Variants in NRROS observed in about 807,000 individuals in gnomAD.
The protein encoded by NRROS is negative regulator of reactive oxygen species.
In NRROS, 6 loss-of-function variants were observed where a neutral mutation model predicts 12.0. The ratio of observed to expected loss-of-function variants is 0.50; its 90% CI spans 0.27 to 0.98. The LOEUF (loss-of-function observed/expected upper bound fraction) is 0.98. Ranked by LOEUF, NRROS falls within the 50% of genes least tolerant of loss-of-function variation. The probability of loss-of-function intolerance (pLI) is 0.11; values close to 1 mark genes in which losing one functional copy is unlikely to be tolerated. For missense variants in NRROS, 857 were observed against 888.2 expected, an observed-to-expected ratio of 0.96 and a Z score of 0.45; for synonymous variants, 462 against 410.2, an observed-to-expected ratio of 1.13 and a Z score of -1.53.
intron 1 of NRROS, among the ~76,000 whole-genome samples, chr3:196,651,972 A>G (rs1188593724): frequency 6.6e-6 from 1 of 152,120 alleles, no homozygotes; most frequent in Non-Finnish European, 1.5e-5. Context: ...GTGACAGGTG[A>G]CAGCAGTTTG....
chr3:196,647,941 A>G (rs1192449983), intron 1 of NRROS, among the ~76,000 whole-genome samples: 1 of 152,160 alleles, frequency 6.6e-6, no homozygotes, highest in Non-Finnish European at 1.5e-5. Flanking sequence ...ATCTCAGGTG[A>G]TCCACCCACC....
At position 196,659,927 on chromosome 3, in the gene NRROS, G is replaced by A. The variant is rs1172132693; in HGVS notation, c.284G>A (p.Arg95His). 1.1e-5 allele frequency: 18 copies of A among 1,613,962 alleles called. No homozygotes were observed. Among genetic ancestry groups the A allele is most frequent in the Non-Finnish European group, 1.5e-5 (18 of 1,180,004 alleles). Residue 95 changes from arginine (R) to histidine (H), a missense_variant, in exon 3 of 3, where the codon CGC becomes CAC. By Grantham distance (29) the Arg-to-His change is conservative (BLOSUM62 0). Transcript: ENST00000328557. ...AGCCTGCACAGCTGCCACCTGGAGC[G>A]CATCAGCCGCGGCGCCTTCCAGGAG... ...SLSLHSCHLERISRGAFQEQG... is the reference protein window; with the variant it reads ...SLSLHSCHLEHISRGAFQEQG...
rs1289327225 is a variant in NRROS at position 196,659,767 on chromosome 3, G to C, written c.124G>C (p.Asp42His). ...GVCKLVGGAA[D>H]CRGQSLASVP... ...TTGGCCGCAGGTGGGTGGAGCCGCTGACTGCCGAGGGCAGAGCCTCGCTTC... is the reference window on the plus strand; with the variant it reads ...TTGGCCGCAGGTGGGTGGAGCCGCTCACTGCCGAGGGCAGAGCCTCGCTTC... The change falls in exon 3 of 3, where the codon GAC becomes CAC. Residue 42 changes from aspartate to histidine, a missense_variant. Coordinates refer to ENST00000328557, the MANE Select transcript of NRROS (RefSeq NM_198565.3). 6.2e-7 allele frequency: 1 copy of C among 1,609,408 alleles called. No homozygotes were observed. Among genetic ancestry groups the C allele is most frequent in the Non-Finnish European group, 8.5e-7 (1 of 1,177,172 alleles).
chr3:196,645,869 G>T (rs1737298314), intron 1 of NRROS, among the ~76,000 whole-genome samples: 1 of 152,152 alleles, frequency 6.6e-6, no homozygotes, highest in Non-Finnish European at 1.5e-5. Flanking sequence ...TGGGAGAAGG[G>T]ACGAAAGCTC....
At chr3:196,657,630 C>T (rs4912585) in intron 2 of NRROS, among the ~76,000 whole-genome samples, 70,025 of 150,626 alleles carry the variant, frequency 0.46, 16,551 homozygotes, top group Admixed American at 0.55. Context: ...TCGCTTGAAC[C>T]CGGCAGGCAG....
rs762763774 is a variant in NRROS at position 196,660,321 on chromosome 3, G to T, written c.678G>T (p.Thr226=). ...NLPCIVDFGL[T]RLRVLNVSYN... is the part of the protein sequence containing the mutation. ...CCTGCATCGTGGACTTCGGGCTCAC[G>T]CGGCTGCGGGTCCTCAACGTCAGCT... Residue 226 remains threonine, a synonymous_variant, in exon 3 of 3, where the codon ACG becomes ACT. Coordinates refer to ENST00000328557, the MANE Select transcript of NRROS (RefSeq NM_198565.3). The surrounding 1 kb of genome is among the most constrained non-coding windows in gnomAD (Gnocchi z 7.7). 2 of 1,613,962 alleles carry T rather than the reference G, an allele frequency of 1.2e-6. No individual in the cohort carries two copies. The highest frequency in any genetic ancestry group is 1.7e-5 in the Admixed American group (1 of 60,014).
In NRROS at chr3:196,639,712, C is replaced by T. The variant is rs1321045433; in HGVS notation, c.-177C>T. 2 of 152,578 alleles carry T rather than the reference C, an allele frequency of 1.3e-5. No homozygotes were observed. The highest frequency in any genetic ancestry group is 2.9e-5 in the Non-Finnish European group (2 of 68,182). 9.5% of individuals were successfully genotyped at this position (152,578 alleles called of 1,614,324 possible). On this transcript the variant is annotated 5_prime_UTR_variant, in exon 1 of 3. Coordinates refer to ENST00000328557, the MANE Select transcript of NRROS (RefSeq NM_198565.3). ...CTGTGCTGAGTCGCCGAGCAGCCCG[C>T]TCTCCATGTGACTTCAGTTTCCGTC...
rs1343731535 is a variant in NRROS at position 196,660,535 on chromosome 3, GA to G, written c.893del (p.Glu298GlyfsTer13). On this transcript the variant is annotated frameshift_variant, in exon 3 of 3. Coordinates refer to ENST00000328557, the MANE Select transcript of NRROS (RefSeq NM_198565.3). LOFTEE classifies it low-confidence loss of function (END_TRUNC). The surrounding 1 kb of genome is among the most constrained non-coding windows in gnomAD (Gnocchi z 7.7). ...RDLYNTSSPR[E>X]MVAQFLLVDG... The stretch of plus-strand genomic sequence containing the variant: ...CCTGTACAACACCTCGTCGCCGAGG[GA>G]GATGGTGGCCCAGTTCCTCCTCGTG... 6.2e-7 allele frequency: 1 copy of G among 1,613,990 alleles called. No individual in the cohort carries two copies. The highest frequency in any genetic ancestry group is 8.5e-7 in the Non-Finnish European group (1 of 1,180,046).
chr3:196,651,869 G>A (rs991343385), intron 1 of NRROS, among the ~76,000 whole-genome samples: 22 of 152,354 alleles, frequency 1.4e-4, no homozygotes, highest in Non-Finnish European at 2.8e-4. Context: ...CCAAGGCAGA[G>A]AGGAAGGGAG....
In NRROS at chr3:196,644,393, C is replaced by T. The variant is rs574698733; in HGVS notation, c.-14+4518C>T. Among the ~76,000 whole-genome samples, 9 of 141,972 alleles carry T rather than the reference C, an allele frequency of 6.3e-5. No homozygotes were observed. In the South Asian group the frequency reaches 1.6e-3, roughly 25 times the overall value. 93.1% of individuals were successfully genotyped at this position (141,972 alleles called of 152,430 possible). On this transcript the variant is annotated intron_variant, in intron 1 of 2. Transcript: ENST00000328557. ...TAGCCTGGGTAACAGAGTGAGACCC[C>T]GTCTCAAAAAAAAAAAAAAAAGTTA...
At chr3:196,648,711 A>G (rs11710998) in intron 1 of NRROS, among the ~76,000 whole-genome samples, 10,150 of 143,720 alleles carry the variant, frequency 0.071, 457 homozygotes, top group South Asian at 0.1. Context: ...GGTTGCAATG[A>G]GCCGAGATTA....
At position 196,660,006 on chromosome 3, in the gene NRROS, C is replaced by G. The variant is rs771664036; in HGVS notation, c.363C>G (p.Tyr121Ter). The G allele has an allele frequency of 1.9e-6, 3 of 1,613,574 alleles. No homozygotes were observed. Among genetic ancestry groups the G allele is most frequent in the Non-Finnish European group, 2.5e-6 (3 of 1,179,940 alleles). The change falls in exon 3 of 3, where the codon TAC (tyrosine) becomes TAG (stop). Residue 121 changes from tyrosine to a stop codon, truncating the protein, a stop_gained. Transcript: ENST00000328557. LOFTEE classifies it low-confidence loss of function (END_TRUNC). The surrounding 1 kb of genome is among the most constrained non-coding windows in gnomAD (Gnocchi z 7.7). ...VLGDNCLSENYEETAAALHAL... is the reference protein window; with the variant it reads ...VLGDNCLSEN ...GGGACAACTGCCTCTCAGAGAACTA[C>G]GAAGAGACGGCAGCCGCCCTCCACG...
chr3:196,658,884 T>C (rs776032063), intron 2 of NRROS, among the ~76,000 whole-genome samples: 3 of 152,048 alleles, frequency 2.0e-5, no homozygotes, highest in Admixed American at 6.6e-5. Context: ...ACAGGAGAAT[T>C]GCTCGAACCC....
At chr3:196,649,408 C>T (rs1737368941) in intron 1 of NRROS, among the ~76,000 whole-genome samples, 1 of 152,208 alleles carries the variant, frequency 6.6e-6, no homozygotes, top group South Asian at 2.1e-4. Flanking sequence ...CACACATTTA[C>T]CACTGCACCT....
At position 196,659,878 on chromosome 3, in the gene NRROS, C is replaced by G. The variant is rs184823689; in HGVS notation, c.235C>G (p.Pro79Ala). ...GACCCTGTGGAATCACTCCCTCCAGCCTTACCCTCTCCTGGAGAGCCTCAG... is the reference window on the plus strand; with the variant it reads ...GACCCTGTGGAATCACTCCCTCCAGGCTTACCCTCTCCTGGAGAGCCTCAG... The part of the protein sequence containing the change: ...LKTLWNHSLQ[P>A]YPLLESLSLH... The change falls in exon 3 of 3, where the codon CCT becomes GCT. Residue 79 changes from proline (P) to alanine (A), a missense_variant. Coordinates refer to ENST00000328557, the MANE Select transcript of NRROS (RefSeq NM_198565.3). The G allele has an allele frequency of 6.2e-7, 1 of 1,614,146 alleles. No individual in the cohort carries two copies. Among genetic ancestry groups the G allele is most frequent in the African/African-American group, 1.3e-5 (1 of 75,052 alleles).
intron 1 of NRROS, among the ~76,000 whole-genome samples, chr3:196,641,055 TTG>T (rs150442980): frequency 2.6e-5 from 4 of 151,922 alleles, no homozygotes; most frequent in African/African-American, 9.7e-5. Flanking sequence ...CCTCTTAGGT[TTG>T]TGTGTGTGTG....
At position 196,651,506 on chromosome 3, in the gene NRROS, C is replaced by T. The variant is rs543160229; in HGVS notation, c.-13-3021C>T. ...GGTGGGCCAGGCACCATGACTCACG[C>T]CTGTAATCCCATCACTTTGGGAGGT... On this transcript the variant is annotated intron_variant, in intron 1 of 2. Transcript: ENST00000328557. 5.1e-4 allele frequency among the ~76,000 whole-genome samples: 78 copies of T among 152,276 alleles called. 1 individual carries two copies. In the South Asian group the frequency reaches 0.015, roughly 29 times the overall value.
At chr3:196,656,094 G>A (rs899806295) in intron 2 of NRROS, among the ~76,000 whole-genome samples, 2 of 152,124 alleles carry the variant, frequency 1.3e-5, no homozygotes, top group Admixed American at 1.3e-4. Context: ...TTGAACCTGG[G>A]AGGCAGAGGT....
At chr3:196,659,694 T>A (rs990976929) in intron 2 of NRROS, 58 bp from the exon 3 acceptor site, 2 of 1,520,978 alleles carry the variant, frequency 1.3e-6, no homozygotes, top group Non-Finnish European at 1.8e-6. Context: ...TAAGTTTCTA[T>A]GCATAAATGC....
Sources: allele counts gnomAD v4.1 joint callset (sites outside exome capture counted in the v4.1 genomes callset), GRCh38; gene constraint gnomAD v4.1.1; non-coding constraint Gnocchi (gnomAD v3.1); transcripts MANE v1.5; gene names NCBI Gene and HGNC (gene_info 2026-07-23, HGNC 2026-07-21).